LMBRD2: variants seen among roughly 807,000 people sequenced by gnomAD.
LMBRD2 encodes the protein G protein-coupled receptor-associated protein LMBRD2.
Under a neutral mutation model 94.4 loss-of-function variants are expected in LMBRD2, and 55 were observed. The ratio of observed to expected loss-of-function variants is 0.58; its 90% CI spans 0.47 to 0.73. The LOEUF is 0.73. LMBRD2 is among the 30% of genes least tolerant of loss of function. The probability of loss-of-function intolerance (pLI) is 0.00; values close to 1 mark genes in which losing one functional copy is unlikely to be tolerated. For synonymous variants in LMBRD2, 246 were observed against 272.4 expected, an observed-to-expected ratio of 0.90 and a Z score of 0.95; for missense variants, 640 against 831.9, an observed-to-expected ratio of 0.77 and a Z score of 2.84.
At chr5:36,145,826 G>C (rs1162356844) in intron 1 of LMBRD2, among the ~76,000 whole-genome samples, 2 of 152,094 alleles carry the variant, frequency 1.3e-5, no homozygotes, top group Non-Finnish European at 2.9e-5. Context: ...TGTAGTATAA[G>C]AAATAATGTT....
intron 16 of LMBRD2, 133 bp from the exon 17 acceptor site, chr5:36,105,330 A>G: frequency 2.6e-6 from 2 of 766,412 alleles, no homozygotes; most frequent in Non-Finnish European, 4.2e-6. Flanking sequence ...AAAGATAACT[A>G]CATGGTTCCT....
rs973067149 is a variant in LMBRD2, at chr5:36,100,735, A to C, written c.*3311T>G. ...GGCATAATCCACTCAAATCACAAGT[A>C]AGAAACTCACCTTACTAAACAGGTG... On this transcript the variant is annotated 3_prime_UTR_variant, in exon 18 of 18. Coordinates refer to ENST00000296603, the MANE Select transcript of LMBRD2 (RefSeq NM_001007527.2). 2.0e-5 allele frequency: 3 copies of C among 152,226 alleles called. No homozygotes were observed. The highest frequency in any genetic ancestry group is 3.4e-3 in the Middle Eastern group (1 of 294). 9.4% of individuals were successfully genotyped at this position (152,226 alleles called of 1,614,324 possible). A position where few individuals can be genotyped will look rare whatever the true frequency, so the allele number is the denominator to read the frequency against.
intron 5 of LMBRD2, among the ~76,000 whole-genome samples, 199 bp from the exon 6 acceptor site, chr5:36,136,718 A>T (rs1744280463): frequency 6.6e-6 from 1 of 152,208 alleles, no homozygotes. Context: ...TATATTAAAC[A>T]AAAGAAGTTT....
At chr5:36,121,440 T>G (rs762998343) in intron 9 of LMBRD2, among the ~76,000 whole-genome samples, 1 of 152,208 alleles carries the variant, frequency 6.6e-6, no homozygotes, top group Non-Finnish European at 1.5e-5. Flanking sequence ...TTTAATACTA[T>G]GACACTTTGG....
intron 6 of LMBRD2, among the ~76,000 whole-genome samples, chr5:36,128,299 G>C (rs1579515872): frequency 6.6e-6 from 1 of 152,170 alleles, no homozygotes; most frequent in Admixed American, 6.5e-5. Context: ...TTTGCAAGAA[G>C]GATGGCTACA....
chr5:36,141,047 GA>G (rs1431104185), intron 4 of LMBRD2, 59 bp downstream of exon 4: 3 of 890,790 alleles, frequency 3.4e-6, no homozygotes, highest in Non-Finnish European at 5.5e-6. Context: ...TATATTGATT[GA>G]AAAACATTTT....
At chr5:36,116,817 C>T (rs1159464074) in intron 10 of LMBRD2, among the ~76,000 whole-genome samples, 3 of 152,144 alleles carry the variant, frequency 2.0e-5, no homozygotes, top group African/African-American at 7.2e-5. Context: ...GCTGGGATTA[C>T]AGGCATGTGC....
rs1743351990 is a variant in LMBRD2, at chr5:36,101,820, A to G, written c.*2226T>C. On this transcript the variant is annotated 3_prime_UTR_variant, in exon 18 of 18. Transcript: ENST00000296603. ...GGTTGTGAAGTGTATGCACGTATAC[A>G]CTTCAATTATTATAACCATAAAAAA... 2 of 152,052 alleles carry G rather than the reference A, an allele frequency of 1.3e-5. No homozygotes were observed. The highest frequency in any genetic ancestry group is 4.1e-4 in the South Asian group (2 of 4,832). The allele number at this position is 152,052 out of a possible 1,614,324, so 9.4% of individuals were successfully genotyped here. A position where few individuals can be genotyped will look rare whatever the true frequency, so the allele number is the denominator to read the frequency against.
chr5:36,116,248 C>A (rs867992201), intron 11 of LMBRD2, among the ~76,000 whole-genome samples: 2 of 152,172 alleles, frequency 1.3e-5, no homozygotes, highest in Admixed American at 6.5e-5. Flanking sequence ...CTTCTGCCTT[C>A]TAGCCTAACC....
At position 36,117,742 on chromosome 5, in the gene LMBRD2, T is replaced by A. The variant is rs1249522774; in HGVS notation, c.1295A>T (p.Tyr432Phe). The A allele has an allele frequency of 3.8e-6, 6 of 1,598,968 alleles. No homozygotes were observed. Among genetic ancestry groups the A allele is most frequent in the East Asian group, 2.2e-5 (1 of 44,658 alleles). Residue 432 changes from tyrosine (Y) to phenylalanine (F), a missense_variant, in exon 10 of 18, where the codon TAT becomes TTT. Tyr to Phe is a conservative substitution (Grantham distance 22). This residue lies in a region of LMBRD2 where 457 missense variants were observed against 642.8 expected (regional missense o/e 0.71). Coordinates refer to ENST00000296603, the MANE Select transcript of LMBRD2 (RefSeq NM_001007527.2). ...QLAEKTYNYI[Y>F]IEIACFLSIF... ...GACATAAAATAAACTGACCTCGATA[T>A]AAATATAATTATATGTTTTTTCTGC...
Position 36,122,280 on chromosome 5 carries a change from C to T in LMBRD2, c.1120G>A (p.Glu374Lys). 6.4e-7 allele frequency: 1 copy of T among 1,564,144 alleles called. No homozygotes were observed. Among genetic ancestry groups the T allele is most frequent in the African/African-American group, 1.4e-5 (1 of 72,262 alleles). ...FIQYFYNPTF[E>K]WYWECLLRPW... ...TTGAAATTTATATCAAATTACATAC[C>T]AAATGTAGGATTATAAAAATATTGG... The change falls in exon 9 of 18, where the codon GAA becomes AAA. Residue 374 changes from glutamate to lysine, a missense_variant and splice_region_variant. By Grantham distance (56) the Glu-to-Lys change is moderately conservative. This residue lies in a region of LMBRD2 where 457 missense variants were observed against 642.8 expected (regional missense o/e 0.71). Coordinates refer to ENST00000296603, the MANE Select transcript of LMBRD2 (RefSeq NM_001007527.2).
intron 17 of LMBRD2, 87 bp from the exon 18 acceptor site, chr5:36,104,193 C>G: frequency 9.6e-7 from 1 of 1,039,572 alleles, no homozygotes; most frequent in Non-Finnish European, 1.5e-6. Flanking sequence ...AAGGGAGTGG[C>G]CATATAATTT....
intron 1 of LMBRD2, among the ~76,000 whole-genome samples, chr5:36,148,541 C>T (rs900090314): frequency 5.3e-5 from 8 of 152,176 alleles, no homozygotes; most frequent in African/African-American, 7.2e-5. Flanking sequence ...TTTCAAAAAA[C>T]GAATAGCTAA....
At chr5:36,129,338 A>G (rs1348250122) in intron 6 of LMBRD2, among the ~76,000 whole-genome samples, 3 of 152,184 alleles carry the variant, frequency 2.0e-5, no homozygotes, top group Admixed American at 6.5e-5. Context: ...GGTCAAGGAT[A>G]AAGAAAGGAT....
rs1743384771 is a variant in LMBRD2, at chr5:36,103,334, A to C, written c.*712T>G. 1 of 152,350 alleles carries C rather than the reference A, an allele frequency of 6.6e-6. No individual in the cohort carries two copies. The highest frequency in any genetic ancestry group is 2.1e-4 in the South Asian group (1 of 4,838). The allele number at this position is 152,350 out of a possible 1,614,324, so 9.4% of individuals were successfully genotyped here. On this transcript the variant is annotated 3_prime_UTR_variant, in exon 18 of 18. Coordinates refer to ENST00000296603, the MANE Select transcript of LMBRD2 (RefSeq NM_001007527.2). ...TTTCTGAAATGAAAATCTTTTATAA[A>C]GCAATACCAGAAGCATAAAAAAATC...
At chr5:36,131,800 G>C (rs2111891063) in intron 6 of LMBRD2, among the ~76,000 whole-genome samples, 1 of 152,076 alleles carries the variant, frequency 6.6e-6, no homozygotes, top group East Asian at 1.9e-4. Flanking sequence ...ATAAAACACT[G>C]ATGCAAGGAA....
chr5:36,135,154 G>A (rs1744240769), intron 6 of LMBRD2, among the ~76,000 whole-genome samples: 1 of 152,106 alleles, frequency 6.6e-6, no homozygotes, highest in Admixed American at 6.6e-5. Context: ...AGAAAAGTTT[G>A]TCAGTCCCTG....
intron 6 of LMBRD2, among the ~76,000 whole-genome samples, chr5:36,131,936 C>T (rs200460125): frequency 5.6e-4 from 85 of 152,090 alleles, no homozygotes; most frequent in Admixed American, 9.8e-4. Context: ...AAAATACCAA[C>T]GACATTCTTA....
chr5:36,147,862 CAA>C (rs745571647), intron 1 of LMBRD2: 32 of 429,708 alleles, frequency 7.4e-5, no homozygotes, highest in African/African-American at 6.0e-4. Flanking sequence ...ACAATTTTGT[CAA>C]AACCAAAGAT....
Sources: allele counts gnomAD v4.1 joint callset (sites outside exome capture counted in the v4.1 genomes callset), GRCh38; gene constraint gnomAD v4.1.1; regional missense constraint gnomAD v4.1.1; transcripts MANE v1.5; gene names NCBI Gene and HGNC (gene_info 2026-07-23, HGNC 2026-07-21).